TENM3: variants seen among roughly 807,000 people sequenced by gnomAD.
The protein encoded by TENM3 is teneurin-3.
A neutral mutation model predicts 255.1 loss-of-function variants in TENM3; 63 were observed. The observed-to-expected ratio is 0.25, with a 90% CI of 0.20 to 0.30. TENM3 has a LOEUF of 0.30. Ranked by LOEUF, TENM3 falls within the 10% of genes least tolerant of loss-of-function variation. The probability of loss-of-function intolerance (pLI) is 1.00; values close to 1 mark genes in which losing one functional copy is unlikely to be tolerated. For missense variants in TENM3, 2,929 were observed against 3,461.1 expected, an observed-to-expected ratio of 0.85 and a Z score of 3.86; for synonymous variants, 1,306 against 1,322.3, an observed-to-expected ratio of 0.99 and a Z score of 0.27.
At chr4:182,059,745 CAAAAAAAAAAAAAAAAAGAAAA>C in the TENM3 span, among the ~76,000 whole-genome samples, 2 of 43,186 alleles carry the variant, frequency 4.6e-5, no homozygotes, top group African/African-American at 9.6e-5. Flanking sequence ...TCTGTCTCTA[CAAAAAAAAAAAAAAAAAGAAAA>C]AAAAAAAAAA....
At chr4:182,623,817 C>T (rs751481654) in intron 4 of TENM3, among the ~76,000 whole-genome samples, 11 of 152,142 alleles carry the variant, frequency 7.2e-5, no homozygotes, top group Non-Finnish European at 1.3e-4. Context: ...TTGCGGGGGT[C>T]GCCTTCGTTC....
intron 3 of TENM3, among the ~76,000 whole-genome samples, chr4:182,515,627 G>A (rs116322905): frequency 1.7e-3 from 260 of 152,206 alleles, no homozygotes; most frequent in Non-Finnish European, 2.6e-3. Flanking sequence ...AATTAGTTTG[G>A]AGAGACTTAA....
chr4:181,753,173 C>G, the TENM3 span, among the ~76,000 whole-genome samples: 1 of 152,138 alleles, frequency 6.6e-6, no homozygotes. Context: ...ATTAGGACAC[C>G]TGAAGCTAAT....
intron 3 of TENM3, among the ~76,000 whole-genome samples, chr4:182,494,144 C>CT (rs1318185136): frequency 1.3e-5 from 2 of 151,954 alleles, no homozygotes; most frequent in African/African-American, 4.8e-5. Context: ...AACCAAAATC[C>CT]TTTTTCTTGA....
intron 3 of TENM3, among the ~76,000 whole-genome samples, chr4:182,436,628 CTG>C (rs1491367893): frequency 2.0e-5 from 3 of 152,176 alleles, no homozygotes; most frequent in African/African-American, 7.2e-5. Context: ...CATGATATGG[CTG>C]TGGTTAGATC....
rs539838637 is a variant in TENM3 at position 182,577,251 on chromosome 4, C to T, written c.512-23673C>T. Among the ~76,000 whole-genome samples the T allele has an allele frequency of 4.6e-5, 7 of 152,146 alleles. No homozygotes were observed. In the South Asian group the frequency reaches 6.2e-4, roughly 14 times the overall value. On this transcript the variant is annotated intron_variant, in intron 3 of 27. Transcript: ENST00000511685. ...CTCTGTATATCTGTATGCTCAAAAG[C>T]GAGGAGGCAATAAATATAGTGTAGT... is the stretch of plus-strand genomic sequence containing the variant.
At chr4:181,877,960 C>T in the TENM3 span, among the ~76,000 whole-genome samples, 1 of 152,268 alleles carries the variant, frequency 6.6e-6, no homozygotes, top group East Asian at 1.9e-4. Flanking sequence ...TATGGCGTTT[C>T]TGTCATTCCT....
At chr4:181,985,593 A>G in the TENM3 span, among the ~76,000 whole-genome samples, 2 of 152,172 alleles carry the variant, frequency 1.3e-5, no homozygotes, top group African/African-American at 4.8e-5. Context: ...TAATTTCTGC[A>G]TTAGCTGAGC....
At chr4:181,594,026 G>A in the TENM3 span, among the ~76,000 whole-genome samples, 3 of 151,574 alleles carry the variant, frequency 2.0e-5, no homozygotes, top group Non-Finnish European at 2.9e-5. Flanking sequence ...ATTGGTGGTG[G>A]CTGCTTCAAT....
chr4:181,481,396 G>A, the TENM3 span, among the ~76,000 whole-genome samples: 43 of 152,062 alleles, frequency 2.8e-4, no homozygotes, highest in South Asian at 8.3e-4. Flanking sequence ...TATCATTTCC[G>A]TTTGTCTGTT....
intron 3 of TENM3, among the ~76,000 whole-genome samples, chr4:182,426,377 A>G (rs76929118): frequency 0.015 from 2,326 of 152,306 alleles, 60 homozygotes; most frequent in East Asian, 0.1. Flanking sequence ...GAAAAATTCT[A>G]AAATCAAAGA....
At chr4:182,644,830 T>A (rs543774556) in intron 5 of TENM3, among the ~76,000 whole-genome samples, 1 of 152,138 alleles carries the variant, frequency 6.6e-6, no homozygotes, top group South Asian at 2.1e-4. Flanking sequence ...CCTAAAAAGA[T>A]GCAGTCTAGA....
At chr4:182,729,270 A>G (rs1760485784) in intron 14 of TENM3, 89 bp downstream of exon 14, 1 of 1,121,348 alleles carries the variant, frequency 8.9e-7, no homozygotes, top group South Asian at 1.5e-5. Context: ...TGTGAACCTG[A>G]GGAAAGTGCT....
chr4:182,027,001 G>T, the TENM3 span, among the ~76,000 whole-genome samples: 1 of 152,058 alleles, frequency 6.6e-6, no homozygotes, highest in Non-Finnish European at 1.5e-5. Context: ...TGTGAAGAAT[G>T]TCATTATTTT....
At chr4:182,027,046 G>C in the TENM3 span, among the ~76,000 whole-genome samples, 79 of 152,076 alleles carry the variant, frequency 5.2e-4, 1 homozygote, top group African/African-American at 1.7e-3. Flanking sequence ...GATTGCTTTG[G>C]GTAGGGTGGA....
In TENM3 at chr4:182,356,633, G is replaced by A. The variant is rs183975870; in HGVS notation, c.511+9704G>A. Among the ~76,000 whole-genome samples the A allele has an allele frequency of 5.9e-3, 900 of 152,216 alleles. 4 individuals are homozygous for A. Among genetic ancestry groups the A allele is most frequent in the Non-Finnish European group, 9.0e-3 (615 of 67,998 alleles). On this transcript the variant is annotated intron_variant, in intron 3 of 27. Transcript: ENST00000511685. ...AAAGCGTCTGACCTCTGAGAATCAG[G>A]AGTGAAGGGGTCCTTGGAGTATGAA...
At chr4:181,746,015 T>C in the TENM3 span, among the ~76,000 whole-genome samples, 3 of 152,102 alleles carry the variant, frequency 2.0e-5, no homozygotes, top group South Asian at 2.1e-4. Flanking sequence ...GGATAGGAGG[T>C]GACTCTAGTT....
chr4:182,744,697 C>G (rs1428833693), intron 19 of TENM3, among the ~76,000 whole-genome samples: 1 of 152,082 alleles, frequency 6.6e-6, no homozygotes. Flanking sequence ...TATTAGCTTC[C>G]CGTAAATTCC....
chr4:181,938,199 C>T, the TENM3 span, among the ~76,000 whole-genome samples: 1 of 152,020 alleles, frequency 6.6e-6, no homozygotes, highest in Non-Finnish European at 1.5e-5. Context: ...GGAGCCTTAG[C>T]TGTCATGTTA....
Sources: allele counts gnomAD v4.1 joint callset (sites outside exome capture counted in the v4.1 genomes callset), GRCh38; gene constraint gnomAD v4.1.1; transcripts MANE v1.5; gene names NCBI Gene and HGNC (gene_info 2026-07-23, HGNC 2026-07-21).